Variants in GPC3 observed in about 807,000 individuals in gnomAD.
GPC3 encodes the protein glypican 3, also known as glypican-3.
Under a neutral mutation model 34.4 loss-of-function variants are expected in GPC3, and 3 were observed. The ratio of observed to expected loss-of-function variants is 0.09; its 90% CI spans 0.04 to 0.23. GPC3 has a LOEUF of 0.23. GPC3 is among the 10% of genes least tolerant of loss of function. The pLI, the probability that GPC3 is intolerant of heterozygous loss-of-function variation, is 1.00. For synonymous variants in GPC3, 177 were observed against 174.0 expected (o/e 1.02, Z -0.13); for missense variants, 351 against 445.6 (o/e 0.79, Z 1.91).
intron 7 of GPC3, among the ~76,000 whole-genome samples, chrX:133,577,379 T>C (rs1471194602): frequency 8.9e-6 from 1 of 112,416 alleles, no homozygotes; most frequent in Non-Finnish European, 1.9e-5. Context: ...TACATACACA[T>C]ACATACCCAT....
At chrX:133,608,245 G>A (rs1188993118) in intron 6 of GPC3, among the ~76,000 whole-genome samples, 2 of 112,840 alleles carry the variant, frequency 1.8e-5, no homozygotes, top group South Asian at 3.6e-4. Flanking sequence ...CTTGCTACCC[G>A]CTTTGTGGAA....
intron 2 of GPC3, among the ~76,000 whole-genome samples, chrX:133,771,911 C>G (rs1414553355): frequency 9.0e-6 from 1 of 111,600 alleles, no homozygotes; most frequent in African/African-American, 3.3e-5. Flanking sequence ...CTGTAATAGA[C>G]CCATAATTAG....
rs370207439 is a variant in GPC3, at chrX:133,651,191, CT to C, written c.1413+10538del. Among the ~76,000 whole-genome samples the C allele has an allele frequency of 7.6e-5, 8 of 105,899 alleles. No individual in the cohort carries two copies. In the South Asian group the frequency reaches 1.3e-3, roughly 17 times the overall value. The allele number at this position is 105,899 out of a possible 115,157, so 92.0% of individuals were successfully genotyped here. A position where few individuals can be genotyped will look rare whatever the true frequency, so the allele number is the denominator to read the frequency against. The stretch of plus-strand genomic sequence containing the variant: ...GAGTATTTTTCTTTTTTCTTTTTTT[CT>C]TTTTTTTTTGAGACAGAGTCTCGCT... On this transcript the variant is annotated intron_variant, in intron 6 of 7. Coordinates refer to ENST00000370818, the MANE Select transcript of GPC3 (RefSeq NM_004484.4).
intron 3 of GPC3, among the ~76,000 whole-genome samples, chrX:133,720,712 A>G (rs1194292363): frequency 8.9e-6 from 1 of 112,121 alleles, no homozygotes; most frequent in Non-Finnish European, 1.9e-5. Flanking sequence ...TCAGCCATAT[A>G]AAGAAACAAA....
At chrX:133,950,675 G>A (rs1323683809) in intron 2 of GPC3, among the ~76,000 whole-genome samples, 2 of 111,665 alleles carry the variant, frequency 1.8e-5, no homozygotes, top group Non-Finnish European at 3.8e-5. Context: ...AATAATAAAC[G>A]GTCATAAGAA....
At chrX:133,706,912 A>G (rs775786303) in intron 3 of GPC3, among the ~76,000 whole-genome samples, 3 of 112,080 alleles carry the variant, frequency 2.7e-5, no homozygotes, top group Non-Finnish European at 3.8e-5. Flanking sequence ...CCATATGTTC[A>G]TCACAGCACT....
chrX:133,843,179 A>C (rs2075833030), intron 2 of GPC3, among the ~76,000 whole-genome samples: 1 of 111,395 alleles, frequency 9.0e-6, no homozygotes, highest in Admixed American at 9.6e-5. Flanking sequence ...ATTAGATTGC[A>C]ACCTGATATG....
intron 2 of GPC3, among the ~76,000 whole-genome samples, chrX:133,799,399 A>C (rs1481987576): frequency 9.0e-6 from 1 of 111,093 alleles, no homozygotes; most frequent in African/African-American, 3.3e-5. Context: ...CTCAAAAAAA[A>C]GTCCTGAAGC....
At chrX:133,752,385 A>G (rs1050727685) in intron 3 of GPC3, among the ~76,000 whole-genome samples, 5 of 111,913 alleles carry the variant, frequency 4.5e-5, no homozygotes, top group African/African-American at 1.6e-4. Flanking sequence ...AAAACAGAAA[A>G]ATAAAACAAA....
intron 2 of GPC3, among the ~76,000 whole-genome samples, chrX:133,800,725 A>G (rs758482037): frequency 8.9e-6 from 1 of 111,975 alleles, no homozygotes; most frequent in South Asian, 3.8e-4. Context: ...AGAGAGAGCC[A>G]TTAGAGCTGC....
chrX:133,810,983 T>G (rs762977508), intron 2 of GPC3, among the ~76,000 whole-genome samples: 15 of 111,526 alleles, frequency 1.3e-4, no homozygotes, highest in African/African-American at 4.9e-4. Flanking sequence ...AGATGCTTTC[T>G]GAAGCCTCTT....
intron 2 of GPC3, among the ~76,000 whole-genome samples, chrX:133,841,787 T>A (rs1831606252): frequency 8.9e-6 from 1 of 111,753 alleles, no homozygotes; most frequent in African/African-American, 3.3e-5. Flanking sequence ...CAGATCCGTC[T>A]TTAATCTGGT....
At chrX:133,814,559 T>TTTATTG (rs2075680306) in intron 2 of GPC3, among the ~76,000 whole-genome samples, 1 of 109,722 alleles carries the variant, frequency 9.1e-6, no homozygotes, top group Non-Finnish European at 1.9e-5. Flanking sequence ...TTTTTGAATT[T>TTTATTG]TTATTGTTAT....
intron 7 of GPC3, among the ~76,000 whole-genome samples, chrX:133,584,013 T>C (rs1458604589): frequency 8.9e-6 from 1 of 111,745 alleles, no homozygotes; most frequent in Non-Finnish European, 1.9e-5. Flanking sequence ...ACACCCTATG[T>C]TTCACATGCC....
At chrX:133,762,789 T>A (rs916979672) in intron 2 of GPC3, 9 of 466,704 alleles carry the variant, frequency 1.9e-5, no homozygotes, top group Admixed American at 1.7e-4. Flanking sequence ...AGAGGAAAAC[T>A]TTCACAACGT....
At chrX:133,733,242 T>C (rs928041802) in intron 3 of GPC3, among the ~76,000 whole-genome samples, 2 of 110,480 alleles carry the variant, frequency 1.8e-5, no homozygotes, top group Non-Finnish European at 3.8e-5. Context: ...TATGAGTATA[T>C]ACAAAGGCAT....
chrX:133,824,674 T>C (rs750819103), intron 2 of GPC3, among the ~76,000 whole-genome samples: 12 of 111,268 alleles, frequency 1.1e-4, no homozygotes, highest in African/African-American at 3.9e-4. Flanking sequence ...ACATAACATA[T>C]ATCTCTAGCG....
At chrX:133,798,245 G>GTGTTCAT (rs1436812199) in intron 2 of GPC3, among the ~76,000 whole-genome samples, 5 of 111,897 alleles carry the variant, frequency 4.5e-5, no homozygotes, top group African/African-American at 6.5e-5. Flanking sequence ...TGTGATGATG[G>GTGTTCAT]TGTTCATGAG....
chrX:133,855,860 C>T (rs559619619), intron 2 of GPC3, among the ~76,000 whole-genome samples: 3 of 111,100 alleles, frequency 2.7e-5, no homozygotes, highest in Admixed American at 9.6e-5. Flanking sequence ...CATATAAATA[C>T]GATCATAAAA....
Sources: gnomAD v4.1 joint callset for allele counts (sites outside exome capture counted in the v4.1 genomes callset) on GRCh38, gnomAD v4.1.1 for gene constraint, MANE v1.5 for transcripts, NCBI Gene and HGNC (gene_info 2026-07-23, HGNC 2026-07-21) for gene names.